The following ARL15 variants were observed in gnomAD, a reference collection of about 807,000 sequenced individuals.
ARL15 encodes ADP-ribosylation factor-like protein 15.
A neutral mutation model predicts 25.2 loss-of-function variants in ARL15; 19 were observed. The ratio of observed to expected loss-of-function variants is 0.75; its 90% CI spans 0.53 to 1.10. The LOEUF (loss-of-function observed/expected upper bound fraction) is 1.10. Ranked by LOEUF, ARL15 falls within the 50% of genes least tolerant of loss-of-function variation. ARL15 has a pLI of 0.00. For missense variants in ARL15, 220 were observed against 246.0 expected (o/e 0.89, Z 0.71); for synonymous variants, 94 against 86.8 (o/e 1.08, Z -0.46).
At chr5:54,031,242 T>C (rs1002069563) in intron 4 of ARL15, among the ~76,000 whole-genome samples, 1 of 152,204 alleles carries the variant, frequency 6.6e-6, no homozygotes, top group East Asian at 1.9e-4. Context: ...TTAATACCTG[T>C]AAGCCACTCT....
At chr5:54,172,172 G>A (rs1402701985) in intron 1 of ARL15, among the ~76,000 whole-genome samples, 1 of 152,098 alleles carries the variant, frequency 6.6e-6, no homozygotes, top group Non-Finnish European at 1.5e-5. Context: ...TATGGCAGGT[G>A]CACTGCAAAA....
intron 4 of ARL15, among the ~76,000 whole-genome samples, chr5:54,051,508 GT>G (rs975698677): frequency 3.3e-5 from 5 of 152,174 alleles, no homozygotes; most frequent in Non-Finnish European, 1.5e-5. Context: ...AAGTATCTTA[GT>G]TTTTAAAAGT....
intron 4 of ARL15, among the ~76,000 whole-genome samples, chr5:54,006,226 A>G (rs375047795): frequency 1.2e-4 from 18 of 152,106 alleles, no homozygotes; most frequent in African/African-American, 4.1e-4. Flanking sequence ...TTTCTGGGCT[A>G]TAACTGAGGT....
intron 4 of ARL15, among the ~76,000 whole-genome samples, chr5:54,069,938 G>A (rs796716315): frequency 1.9e-4 from 29 of 150,376 alleles, no homozygotes; most frequent in African/African-American, 7.1e-4. Context: ...GCCTCCCAAA[G>A]TGCTGGGATT....
At chr5:54,140,190 C>T (rs554803061) in intron 3 of ARL15, among the ~76,000 whole-genome samples, 37 of 150,742 alleles carry the variant, frequency 2.5e-4, no homozygotes, top group African/African-American at 8.8e-4. Flanking sequence ...TAGTAGGTCT[C>T]TCTTAACTTA....
At chr5:54,036,367 T>C (rs1227588571) in intron 4 of ARL15, among the ~76,000 whole-genome samples, 1 of 152,200 alleles carries the variant, frequency 6.6e-6, no homozygotes, top group Non-Finnish European at 1.5e-5. Flanking sequence ...AATATCAATA[T>C]GTTAAATAGA....
chr5:54,000,270 C>G (rs1241072067), intron 4 of ARL15, among the ~76,000 whole-genome samples: 1 of 152,178 alleles, frequency 6.6e-6, no homozygotes, highest in Non-Finnish European at 1.5e-5. Flanking sequence ...AACACCAACT[C>G]TATGTTAGAA....
intron 3 of ARL15, among the ~76,000 whole-genome samples, chr5:54,144,388 C>G (rs1468061725): frequency 6.6e-6 from 1 of 151,966 alleles, no homozygotes; most frequent in Non-Finnish European, 1.5e-5. Context: ...AAAAAGATTC[C>G]CTAGTTCAAT....
intron 1 of ARL15, among the ~76,000 whole-genome samples, chr5:54,202,715 T>A (rs939715321): frequency 6.6e-6 from 1 of 152,198 alleles, no homozygotes; most frequent in South Asian, 2.1e-4. Flanking sequence ...AATAAAGACC[T>A]AGCTCTTTTC....
chr5:54,185,923 T>C (rs1420797133), intron 1 of ARL15, among the ~76,000 whole-genome samples: 1 of 152,188 alleles, frequency 6.6e-6, no homozygotes, highest in Admixed American at 6.5e-5. Flanking sequence ...TGATATGATA[T>C]GCCAAATCCC....
intron 4 of ARL15, among the ~76,000 whole-genome samples, chr5:54,046,109 T>A (rs74345628): frequency 0.047 from 7,100 of 152,304 alleles, 229 homozygotes; most frequent in Middle Eastern, 0.075. Flanking sequence ...ATTGAACTAG[T>A]ATGTATTAAG....
chr5:54,093,135 G>T (rs555732080), intron 4 of ARL15, among the ~76,000 whole-genome samples: 75 of 152,340 alleles, frequency 4.9e-4, no homozygotes, highest in Non-Finnish European at 9.3e-4. Context: ...GTGCTTCACT[G>T]TTGAGAAGGA....
intron 4 of ARL15, among the ~76,000 whole-genome samples, chr5:53,907,479 T>TATATAC (rs1554025277): frequency 5.4e-4 from 19 of 35,174 alleles, no homozygotes; most frequent in African/African-American, 2.3e-3. Context: ...TATATATATA[T>TATATAC]ATATATATAT....
At chr5:54,060,795 C>T (rs2112028957) in intron 4 of ARL15, among the ~76,000 whole-genome samples, 1 of 152,260 alleles carries the variant, frequency 6.6e-6, no homozygotes, top group South Asian at 2.1e-4. Flanking sequence ...ATTTGTGGAA[C>T]TTTGAACTTG....
rs1226809301 is a variant in ARL15 at position 53,885,226 on chromosome 5, T to C, written c.*1335A>G. Reference sequence around the variant, plus strand: ...GTGCAGGGAGCAGTTTTTTTTATCATTTGGCCACTTAGTATTTTAAGTGGT... The same window carrying C: ...GTGCAGGGAGCAGTTTTTTTTATCACTTGGCCACTTAGTATTTTAAGTGGT... On this transcript the variant is annotated 3_prime_UTR_variant, in exon 5 of 5. Coordinates refer to ENST00000504924, the MANE Select transcript of ARL15 (RefSeq NM_019087.3). 6.6e-6 allele frequency: 1 copy of C among 152,594 alleles called. No individual in the cohort carries two copies. Among genetic ancestry groups the C allele is most frequent in the African/African-American group, 2.4e-5 (1 of 41,444 alleles). 9.5% of individuals were successfully genotyped at this position (152,594 alleles called of 1,614,324 possible).
At chr5:54,170,582 G>A (rs1037720917) in intron 2 of ARL15, among the ~76,000 whole-genome samples, 2 of 152,086 alleles carry the variant, frequency 1.3e-5, no homozygotes, top group African/African-American at 4.8e-5. Context: ...CAATCTGTTT[G>A]ACACTCCTTA....
At chr5:54,275,036 T>C (rs1757891209) in intron 1 of ARL15, among the ~76,000 whole-genome samples, 2 of 152,324 alleles carry the variant, frequency 1.3e-5, no homozygotes, top group South Asian at 4.1e-4. Flanking sequence ...ATTGATATCA[T>C]AAAGAAAACA....
intron 4 of ARL15, among the ~76,000 whole-genome samples, chr5:54,046,132 G>C (rs1163716045): frequency 6.6e-6 from 1 of 152,156 alleles, no homozygotes; most frequent in Non-Finnish European, 1.5e-5. Flanking sequence ...CTAGAAAGGA[G>C]AAAAGAAATA....
intron 4 of ARL15, among the ~76,000 whole-genome samples, chr5:53,897,343 A>G (rs1199457400): frequency 1.3e-5 from 2 of 152,202 alleles, no homozygotes; most frequent in African/African-American, 4.8e-5. Context: ...ATCATGTAAT[A>G]TGTGGTCTTT....
Sources: allele counts gnomAD v4.1 joint callset (sites outside exome capture counted in the v4.1 genomes callset), GRCh38; gene constraint gnomAD v4.1.1; transcripts MANE v1.5; gene names NCBI Gene and HGNC (gene_info 2026-07-23, HGNC 2026-07-21).